Variants in NCAPD2 observed in about 807,000 individuals in gnomAD.
NCAPD2 encodes condensin complex subunit 1.
NCAPD2 carries 100 observed loss-of-function variants against 164.5 expected under a neutral mutation model. The observed-to-expected ratio is 0.61, with a 90% confidence interval of 0.52 to 0.72. The LOEUF is 0.72. Among genes scored for constraint, NCAPD2 ranks in the 30% least tolerant of loss-of-function variants. NCAPD2 has a pLI of 0.00. For synonymous variants in NCAPD2, 585 were observed against 642.6 expected (o/e 0.91, Z 1.36); for missense variants, 1,560 against 1,749.2 (o/e 0.89, Z 1.93).
chr12:6,528,889 C>T lies in NCAPD2; in HGVS notation c.3477+33C>T, dbSNP rs1050875551. 2 of 1,612,932 alleles carry T rather than the reference C, an allele frequency of 1.2e-6. No individual in the cohort carries two copies. The highest frequency in any genetic ancestry group is 1.7e-6 in the Non-Finnish European group (2 of 1,179,058). Reference sequence around the variant, plus strand: ...GCAGAGAGGCACTGAGGGCTGGCTGCAGAGGGAATCTGTAGGTCACCTCAT... The same window carrying T: ...GCAGAGAGGCACTGAGGGCTGGCTGTAGAGGGAATCTGTAGGTCACCTCAT... On this transcript the variant is annotated intron_variant, in intron 26 of 31. Transcript: ENST00000315579. This position sits in a 1 kb window ranked among gnomAD's most constrained non-coding sequence, Gnocchi z 5.1.
chr12:6,527,463 G>A (rs1046614756), intron 22 of NCAPD2, among the ~76,000 whole-genome samples: 7 of 152,206 alleles, frequency 4.6e-5, no homozygotes, highest in Non-Finnish European at 8.8e-5. Flanking sequence ...GCCTTGCAGC[G>A]CTGGAGAAAA....
In NCAPD2 at chr12:6,528,851, C is replaced by T. The variant is rs1431479013; in HGVS notation, c.3472C>T (p.His1158Tyr). ...CAAGAACTTCTTCAATGAGCTCTCC[C>T]ACAAGGTGAGAGGCAGAGAGGCACT... is the stretch of plus-strand genomic sequence containing the variant. ...LAKNFFNELSHKGNAIYNLLP... is the reference protein window; with the variant it reads ...LAKNFFNELSYKGNAIYNLLP... The change falls in exon 26 of 32, where the codon CAC becomes TAC. Residue 1158 changes from histidine (H) to tyrosine (Y), a missense_variant. Transcript: ENST00000315579. This position sits in a 1 kb window ranked among gnomAD's most constrained non-coding sequence, Gnocchi z 5.1. 6.2e-7 allele frequency: 1 copy of T among 1,613,312 alleles called. No homozygotes were observed. The highest frequency in any genetic ancestry group is 1.1e-5 in the South Asian group (1 of 91,062).
intron 6 of NCAPD2, among the ~76,000 whole-genome samples, chr12:6,512,293 AGAT>A (rs1185596366): frequency 5.2e-4 from 72 of 137,998 alleles, no homozygotes; most frequent in African/African-American, 1.4e-3. Flanking sequence ...AAAAAAAAAA[AGAT>A]AGATAGATAG....
intron 2 of NCAPD2, among the ~76,000 whole-genome samples, chr12:6,505,115 G>T (rs1363828828): frequency 6.6e-6 from 1 of 152,188 alleles, no homozygotes; most frequent in Non-Finnish European, 1.5e-5. Context: ...GCCCAGGCTG[G>T]AGTGCAGTGG....
intron 2 of NCAPD2, among the ~76,000 whole-genome samples, chr12:6,508,263 G>A (rs1946115048): frequency 6.6e-6 from 1 of 152,160 alleles, no homozygotes; most frequent in Admixed American, 6.5e-5. Context: ...CTGAGCCCAG[G>A]AGGTCAAGGC....
In NCAPD2 at chr12:6,516,823, C is replaced by T. The variant is rs762060397; in HGVS notation, c.988-5C>T. ...GTTTGACCCCTCTATGCTTCTCTCT[C>T]TTAGAATTACATGATGCGTAATGCT... On this transcript the variant is annotated splice_polypyrimidine_tract_variant and splice_region_variant and intron_variant, in intron 9 of 31. Coordinates refer to ENST00000315579, the MANE Select transcript of NCAPD2 (RefSeq NM_014865.4). 2 of 1,614,032 alleles carry T rather than the reference C, an allele frequency of 1.2e-6. No individual in the cohort carries two copies. Among genetic ancestry groups the T allele is most frequent in the Non-Finnish European group, 1.7e-6 (2 of 1,179,982 alleles).
Position 6,531,720 on chromosome 12 carries a change from G to A in NCAPD2, c.*308G>A, listed in dbSNP as rs554301763. On this transcript the variant is annotated 3_prime_UTR_variant, in exon 32 of 32. Transcript: ENST00000315579. This position sits in a 1 kb window ranked among gnomAD's most constrained non-coding sequence, Gnocchi z 4.1. Reference sequence around the variant, plus strand: ...CTCAAGAGGCTGAGGCAGGAGAATCGCCTGAACCCAGAGGCGGAGGTTGTA... The same window carrying A: ...CTCAAGAGGCTGAGGCAGGAGAATCACCTGAACCCAGAGGCGGAGGTTGTA... 11 of 372,502 alleles carry A rather than the reference G, an allele frequency of 3.0e-5. No homozygotes were observed. Among genetic ancestry groups the A allele is most frequent in the Admixed American group, 4.3e-5 (1 of 23,418 alleles). 23.1% of individuals were successfully genotyped at this position (372,502 alleles called of 1,614,324 possible). A position where few individuals can be genotyped will look rare whatever the true frequency, so the allele number is the denominator to read the frequency against.
rs769611228 is a variant in NCAPD2, at chr12:6,531,062, A to G, written c.4106A>G (p.Glu1369Gly). The G allele has an allele frequency of 2.5e-5, 41 of 1,613,494 alleles. No homozygotes were observed. The highest frequency in any genetic ancestry group is 3.5e-5 in the Non-Finnish European group (41 of 1,180,042). Residue 1369 changes from glutamate to glycine, a missense_variant, in exon 31 of 32, where the codon GAG becomes GGG. Physicochemically the swap from Glu to Gly is moderately conservative, Grantham distance 98 (BLOSUM62 -2). Coordinates refer to ENST00000315579, the MANE Select transcript of NCAPD2 (RefSeq NM_014865.4). This position sits in a 1 kb window ranked among gnomAD's most constrained non-coding sequence, Gnocchi z 4.1. ...CCCAAAGTTGTCTTCTCAAGTGATG[A>G]GTCCAGTGAGGAAGGTATGATGCTC... Reference protein sequence around the residue: ...KKPKVVFSSDESSEEDLSAEM... With the variant: ...KKPKVVFSSDGSSEEDLSAEM...
intron 2 of NCAPD2, among the ~76,000 whole-genome samples, chr12:6,505,800 A>G (rs1277998758): frequency 3.3e-5 from 5 of 152,120 alleles, no homozygotes; most frequent in Non-Finnish European, 7.4e-5. Flanking sequence ...GGGAGGCAGA[A>G]GTTGCAGTGA....
intron 1 of NCAPD2, among the ~76,000 whole-genome samples, chr12:6,494,519 C>G (rs1418334507): frequency 6.6e-6 from 1 of 152,218 alleles, no homozygotes; most frequent in Admixed American, 6.5e-5. Context: ...AGACTTGGCA[C>G]AGGATAAATA....
intron 12 of NCAPD2, 26 bp downstream of exon 12, chr12:6,517,709 T>C: frequency 4.3e-6 from 7 of 1,614,164 alleles, no homozygotes; most frequent in Non-Finnish European, 5.9e-6. Context: ...CTTGGAGTCC[T>C]AATGCCAGAC....
chr12:6,518,519 T>TGTTTG (rs1247184637), intron 13 of NCAPD2, among the ~76,000 whole-genome samples: 1 of 116,066 alleles, frequency 8.6e-6, no homozygotes, highest in African/African-American at 3.5e-5. Context: ...TTTTTTTTTT[T>TGTTTG]TTTTTTTTTT....
chr12:6,529,412 C>T, intron 27 of NCAPD2, 101 bp from the exon 28 acceptor site: 1 of 1,068,560 alleles, frequency 9.4e-7, no homozygotes, highest in Non-Finnish European at 1.4e-6. Flanking sequence ...TGGCAGAGAA[C>T]ATCAGAGAAG....
At position 6,529,824 on chromosome 12, in the gene NCAPD2, C is replaced by T. The variant is rs1201170710; in HGVS notation, c.3703C>T (p.Leu1235Phe). 3 of 1,614,122 alleles carry T rather than the reference C, an allele frequency of 1.9e-6. No homozygotes were observed. In the Admixed American group the frequency reaches 5.0e-5, roughly 27 times the overall value. The change falls in exon 29 of 32, where the codon CTC becomes TTC. Residue 1235 changes from leucine to phenylalanine, a missense_variant. Coordinates refer to ENST00000315579, the MANE Select transcript of NCAPD2 (RefSeq NM_014865.4). ...DLAYCVSQLPLTERGLRKMLD... is the reference protein window; with the variant it reads ...DLAYCVSQLPFTERGLRKMLD... Reference sequence around the variant, plus strand: ...GGCCTACTGTGTGTCACAGCTGCCCCTCACAGAGCGAGGCCTCCGTAAGAT... The same window carrying T: ...GGCCTACTGTGTGTCACAGCTGCCCTTCACAGAGCGAGGCCTCCGTAAGAT...
chr12:6,509,072 AAC>A (rs1491235310), intron 2 of NCAPD2, among the ~76,000 whole-genome samples: 3 of 145,152 alleles, frequency 2.1e-5, no homozygotes, highest in African/African-American at 7.4e-5. Context: ...AAATAGGATA[AAC>A]TTTTTTTTTT....
chr12:6,513,877 A>C (rs1356657661), intron 6 of NCAPD2, among the ~76,000 whole-genome samples: 1 of 151,092 alleles, frequency 6.6e-6, no homozygotes, highest in Non-Finnish European at 1.5e-5. Context: ...CACCACACCC[A>C]GCTAATTTTT....
chr12:6,518,067 C>A, intron 13 of NCAPD2, 108 bp downstream of exon 13: 1 of 1,069,526 alleles, frequency 9.3e-7, no homozygotes, highest in Non-Finnish European at 1.4e-6. Context: ...GATATGCTGC[C>A]ACCAGGTGAT....
intron 13 of NCAPD2, among the ~76,000 whole-genome samples, chr12:6,518,601 A>G (rs1057026313): frequency 3.2e-4 from 43 of 135,576 alleles, no homozygotes; most frequent in African/African-American, 1.1e-3. Flanking sequence ...GCTCACTGCA[A>G]CCTCTGCCTC....
In NCAPD2 at chr12:6,513,705, G is replaced by A. The variant is rs1946171311; in HGVS notation, c.588-560G>A. ...TATATTTAGGAATGAGAAGTCATTGGTGACTTTGTCTTTTTTTTTTTTTTT... is the reference window on the plus strand; with the variant it reads ...TATATTTAGGAATGAGAAGTCATTGATGACTTTGTCTTTTTTTTTTTTTTT... On this transcript the variant is annotated intron_variant, in intron 6 of 31. Coordinates refer to ENST00000315579, the MANE Select transcript of NCAPD2 (RefSeq NM_014865.4). Among the ~76,000 whole-genome samples the A allele has an allele frequency of 9.3e-5, 7 of 75,076 alleles. No individual in the cohort carries two copies. The Admixed American group carries it at 1.0e-3, about 11-fold the overall frequency. 49.3% of individuals were successfully genotyped at this position (75,076 alleles called of 152,430 possible). A position where few individuals can be genotyped will look rare whatever the true frequency, so the allele number is the denominator to read the frequency against.
Sources: gnomAD v4.1 joint callset for allele counts (sites outside exome capture counted in the v4.1 genomes callset) on GRCh38, gnomAD v4.1.1 for gene constraint, Gnocchi (gnomAD v3.1) non-coding constraint, MANE v1.5 for transcripts, NCBI Gene and HGNC (gene_info 2026-07-23, HGNC 2026-07-21) for gene names.